SMAD4: variants seen among roughly 807,000 people sequenced by gnomAD.
SMAD4 encodes the protein MAD homolog 4.
In SMAD4, 7 loss-of-function variants were observed where a neutral mutation model predicts 63.2. The observed-to-expected ratio is 0.11, with a 90% CI of 0.06 to 0.21. The LOEUF is 0.21. Ranked by LOEUF, SMAD4 falls within the 10% of genes least tolerant of loss-of-function variation. The pLI is 1.00. For missense variants in SMAD4, 312 were observed against 693.8 expected (o/e 0.45, Z 6.18); for synonymous variants, 215 against 235.4 (o/e 0.91, Z 0.79).
At chr18:51,033,165 C>T (rs560547733) in intron 1 of SMAD4, among the ~76,000 whole-genome samples, 1 of 149,364 alleles carries the variant, frequency 6.7e-6, no homozygotes, top group East Asian at 2.0e-4. Context: ...AGTTAAAGGA[C>T]TTACACCAGC....
At chr18:51,034,999 C>T (rs1423521280) in intron 1 of SMAD4, among the ~76,000 whole-genome samples, 1 of 152,200 alleles carries the variant, frequency 6.6e-6, no homozygotes, top group Non-Finnish European at 1.5e-5. Flanking sequence ...GGTCCTCTGA[C>T]TTTTTCTTTT....
rs1064794204 is a variant in SMAD4 at position 51,047,227 on chromosome 18, A to G, written c.181A>G (p.Ile61Val). ...KDELDSLITAITTNGAHPSKC... is the reference protein window; with the variant it reads ...KDELDSLITAVTTNGAHPSKC... ...TGAATTGGATTCTTTAATAACAGCTATAACTACAAATGGAGCTCATCCTAG... is the reference window on the plus strand; with the variant it reads ...TGAATTGGATTCTTTAATAACAGCTGTAACTACAAATGGAGCTCATCCTAG... Residue 61 changes from isoleucine (I) to valine (V), a missense_variant, in exon 2 of 12, where the codon ATA (isoleucine) becomes GTA (valine). This residue lies in a region of SMAD4 where 37 missense variants were observed against 87.3 expected (regional missense o/e 0.42). Coordinates refer to ENST00000342988, the MANE Select transcript of SMAD4 (RefSeq NM_005359.6). The G allele has an allele frequency of 1.2e-5, 20 of 1,613,546 alleles. No individual in the cohort carries two copies. The highest frequency in any genetic ancestry group is 2.2e-5 in the East Asian group (1 of 44,862).
chr18:51,055,834 CTGTGT>C (rs1339205668), intron 5 of SMAD4, among the ~76,000 whole-genome samples: 9 of 151,888 alleles, frequency 5.9e-5, no homozygotes, highest in Non-Finnish European at 1.2e-4. Context: ...TGGGCTAATA[CTGTGT>C]TAGTTGCTAC....
chr18:51,062,822 C>CTAAACAG (rs1250993877), intron 8 of SMAD4, among the ~76,000 whole-genome samples: 1 of 144,960 alleles, frequency 6.9e-6, no homozygotes, highest in Non-Finnish European at 1.5e-5. Context: ...GAATACATCC[C>CTAAACAG]TAAACAGTCT....
intron 1 of SMAD4, among the ~76,000 whole-genome samples, chr18:51,032,181 AGTC>A: frequency 6.6e-6 from 1 of 152,332 alleles, no homozygotes; most frequent in Middle Eastern, 3.4e-3. Context: ...TTTTGATAAA[AGTC>A]GTTATAACAT....
chr18:51,042,931 C>T (rs897199249), intron 1 of SMAD4, among the ~76,000 whole-genome samples: 3 of 152,140 alleles, frequency 2.0e-5, no homozygotes, highest in Admixed American at 6.5e-5. Context: ...CAGTATAACA[C>T]GTTTGTCTTG....
chr18:51,046,663 A>G (rs2144398997), intron 1 of SMAD4, among the ~76,000 whole-genome samples: 1 of 152,218 alleles, frequency 6.6e-6, no homozygotes, highest in African/African-American at 2.4e-5. Context: ...CACTATCATA[A>G]TGAGAAGACC....
chr18:51,072,464 A>G (rs1033332324), intron 10 of SMAD4, among the ~76,000 whole-genome samples: 9 of 152,220 alleles, frequency 5.9e-5, no homozygotes, highest in Admixed American at 2.6e-4. Flanking sequence ...TTTATTCCCA[A>G]TTAACACTCA....
rs1910611843 is a variant in SMAD4, at chr18:51,081,469, A to G, written c.*3002A>G. The G allele has an allele frequency of 4.3e-6, 1 of 231,324 alleles. No homozygotes were observed. Among genetic ancestry groups the G allele is most frequent in the East Asian group, 6.1e-5 (1 of 16,300 alleles). The allele number at this position is 231,324 out of a possible 1,614,324, so 14.3% of individuals were successfully genotyped here. ...AAGATAATGACAATAAATCACTGCC[A>G]TATAACCTTGCTTTTTCCAGAAACA... is the stretch of plus-strand genomic sequence containing the variant. On this transcript the variant is annotated 3_prime_UTR_variant, in exon 12 of 12. Transcript: ENST00000342988.
chr18:51,032,940 A>AT (rs908130870), intron 1 of SMAD4, among the ~76,000 whole-genome samples: 1 of 151,846 alleles, frequency 6.6e-6, no homozygotes, highest in African/African-American at 2.4e-5. Flanking sequence ...TAATCCAGCG[A>AT]TTTTTTTAGA....
intron 8 of SMAD4, among the ~76,000 whole-genome samples, chr18:51,060,572 G>T (rs971106258): frequency 2.0e-5 from 3 of 151,922 alleles, no homozygotes; most frequent in African/African-American, 7.3e-5. Context: ...TTAATTTTTT[G>T]GAAACTATAA....
chr18:51,083,461 G>GTT lies in SMAD4; in HGVS notation c.*5004_*5005dup, dbSNP rs113155703. ...GAAACTTTTTGTCCTTTTTTTTTCT[G>GTT]TTTTTTTTTTTCTAATGTAGTAAGG... On this transcript the variant is annotated 3_prime_UTR_variant, in exon 12 of 12. Coordinates refer to ENST00000342988, the MANE Select transcript of SMAD4 (RefSeq NM_005359.6). 1,416 of 205,710 alleles carry GTT rather than the reference G, an allele frequency of 6.9e-3. 21 individuals are homozygous for GTT. Among genetic ancestry groups the GTT allele is most frequent in the African/African-American group, 0.029 (1,246 of 43,024 alleles). 12.7% of individuals were successfully genotyped at this position (205,710 alleles called of 1,614,324 possible). A position where few individuals can be genotyped will look rare whatever the true frequency, so the allele number is the denominator to read the frequency against.
At chr18:51,048,883 C>A (rs746178972) in intron 3 of SMAD4, 23 bp downstream of exon 3, 1 of 1,597,106 alleles carries the variant, frequency 6.3e-7, no homozygotes, top group Non-Finnish European at 8.6e-7. Flanking sequence ...TGCTTTCATC[C>A]TAAGAAACAT....
At position 51,078,453 on chromosome 18, in the gene SMAD4, CA is replaced by C. The variant is rs1555687615; in HGVS notation, c.1647del (p.Gln549HisfsTer3). On this transcript the variant is annotated frameshift_variant, in exon 12 of 12. Transcript: ENST00000342988. LOFTEE classifies it high-confidence loss of function. ...VLHTMPIADP[Q>X]PLD ...TCATACCATGCCGATTGCAGACCCA[CA>C]ACCTTTAGACTGAGGTCTTTTACCG... 2 of 1,613,682 alleles carry C rather than the reference CA, an allele frequency of 1.2e-6. No homozygotes were observed. Among genetic ancestry groups the C allele is most frequent in the Non-Finnish European group, 1.7e-6 (2 of 1,179,596 alleles).
intron 2 of SMAD4, among the ~76,000 whole-genome samples, chr18:51,048,087 C>G (rs961080370): frequency 6.6e-6 from 1 of 152,144 alleles, no homozygotes; most frequent in African/African-American, 2.4e-5. Flanking sequence ...GAAATTTTGT[C>G]GTAGATTTTA....
At position 51,081,393 on chromosome 18, in the gene SMAD4, C is replaced by T. The variant is rs1305388562; in HGVS notation, c.*2926C>T. On this transcript the variant is annotated 3_prime_UTR_variant, in exon 12 of 12. Coordinates refer to ENST00000342988, the MANE Select transcript of SMAD4 (RefSeq NM_005359.6). The stretch of plus-strand genomic sequence containing the variant: ...TGCCTTTATTTTCCGGGGAGTAGAT[C>T]GTGGGATATAGTCTATCTCATTTTT... 5 of 229,748 alleles carry T rather than the reference C, an allele frequency of 2.2e-5. No homozygotes were observed. The highest frequency in any genetic ancestry group is 1.8e-4 in the South Asian group (1 of 5,480). 14.2% of individuals were successfully genotyped at this position (229,748 alleles called of 1,614,324 possible).
In SMAD4 at chr18:51,060,276, C is replaced by A. The variant is rs147457928; in HGVS notation, c.955+360C>A. ...CCAGGAAAGAATCTTAAGTACATGCCGAAAAGAAAAATAATTCACTCTATT... is the reference window on the plus strand; with the variant it reads ...CCAGGAAAGAATCTTAAGTACATGCAGAAAAGAAAAATAATTCACTCTATT... On this transcript the variant is annotated intron_variant, in intron 8 of 11. Transcript: ENST00000342988. 1.8e-3 allele frequency among the ~76,000 whole-genome samples: 268 copies of A among 152,120 alleles called. 1 individual carries two copies. The highest frequency in any genetic ancestry group is 6.3e-3 in the African/African-American group (261 of 41,512).
chr18:51,077,592 G>T (rs1277278555), intron 11 of SMAD4, among the ~76,000 whole-genome samples: 1 of 152,150 alleles, frequency 6.6e-6, no homozygotes, highest in Non-Finnish European at 1.5e-5. Context: ...TTATGTTCAG[G>T]AGTTTACAAT....
At position 51,061,258 on chromosome 18, in the gene SMAD4, T is replaced by C. The variant is rs183573154; in HGVS notation, c.955+1342T>C. Among the ~76,000 whole-genome samples the C allele has an allele frequency of 7.2e-5, 11 of 152,298 alleles. No individual in the cohort carries two copies. In the East Asian group the frequency reaches 1.9e-3, roughly 27 times the overall value. On this transcript the variant is annotated intron_variant, in intron 8 of 11. Coordinates refer to ENST00000342988, the MANE Select transcript of SMAD4 (RefSeq NM_005359.6). The stretch of plus-strand genomic sequence containing the variant: ...TATTTTAAAGTGTACAATTAAATTA[T>C]TGGCTACAGTCACCCTGTTGTGCTG...
Sources: allele counts gnomAD v4.1 joint callset (sites outside exome capture counted in the v4.1 genomes callset), GRCh38; gene constraint gnomAD v4.1.1; regional missense constraint gnomAD v4.1.1; transcripts MANE v1.5; gene names NCBI Gene and HGNC (gene_info 2026-07-23, HGNC 2026-07-21).